SFXN3: variants seen among roughly 807,000 people sequenced by gnomAD.
SFXN3 encodes sideroflexin-3.
In SFXN3, 31 loss-of-function variants were observed where a neutral mutation model predicts 40.4. That is an observed-to-expected ratio of 0.77 (90% CI 0.58 to 1.04). The LOEUF (loss-of-function observed/expected upper bound fraction) is 1.04, where lower values mean the gene tolerates loss of function less well. Among genes scored for constraint, SFXN3 ranks in the 50% least tolerant of loss-of-function variants. The pLI is 0.00. For missense variants in SFXN3, 366 were observed against 408.2 expected, an observed-to-expected ratio of 0.90 and a Z score of 0.89; for synonymous variants, 157 against 160.0, an observed-to-expected ratio of 0.98 and a Z score of 0.14.
intron 3 of SFXN3, 25 bp from the exon 4 acceptor site, chr10:101,035,472 G>T (rs759400997): frequency 1.9e-6 from 3 of 1,584,342 alleles, no homozygotes; most frequent in Admixed American, 3.4e-5. Flanking sequence ...GGCATAGCCT[G>T]TCTGCTCCTT....
Position 101,034,881 on chromosome 10 carries a change from T to C in SFXN3, c.161+26T>C, listed in dbSNP as rs754398142. 1.2e-6 allele frequency: 2 copies of C among 1,601,522 alleles called. 1 individual carries two copies. The highest frequency in any genetic ancestry group is 2.2e-5 in the South Asian group (2 of 89,680). ...GTGACCACCCCTCAATCTGACCCTGTGTGCCAGGATCTCATTTTCTGTGAT... is the reference window on the plus strand; with the variant it reads ...GTGACCACCCCTCAATCTGACCCTGCGTGCCAGGATCTCATTTTCTGTGAT... On this transcript the variant is annotated intron_variant, in intron 3 of 11. Coordinates refer to ENST00000393459, the Ensembl canonical transcript of SFXN3.
intron 3 of SFXN3, 40 bp downstream of exon 3, chr10:101,034,895 A>T: frequency 6.3e-7 from 1 of 1,593,840 alleles, no homozygotes; most frequent in Non-Finnish European, 8.5e-7. Context: ...CCAGGATCTC[A>T]TTTTCTGTGA....
chr10:101,040,598 T>G (rs1261611115), exon 12 of SFXN3: 1 of 152,078 alleles, frequency 6.6e-6, no homozygotes, highest in Non-Finnish European at 1.5e-5. Flanking sequence ...TTTTTTTTTT[T>G]TTTTAATGGA....
At chr10:101,032,824 C>T (rs887253163) in intron 2 of SFXN3, among the ~76,000 whole-genome samples, 2 of 152,096 alleles carry the variant, frequency 1.3e-5, no homozygotes, top group Non-Finnish European at 2.9e-5. Flanking sequence ...TCTGCCTCTG[C>T]GGGAGGAAGT....
chr10:101,039,491 C>G lies in SFXN3; in HGVS notation c.872C>G (p.Ser291Cys), dbSNP rs1013041373. 6 of 1,613,868 alleles carry G rather than the reference C, an allele frequency of 3.7e-6. No individual in the cohort carries two copies. The highest frequency in any genetic ancestry group is 5.1e-6 in the Non-Finnish European group (6 of 1,179,916). ...TGGCCTGTGCTGTTCTATTGCAGCT[C>G]CATACACATAAGCAACCTGGAACCA... The change falls in exon 12 of 12, where the codon TCC (serine) becomes TGC (cysteine). Residue 291 changes from serine to cysteine, a missense_variant and splice_region_variant. By Grantham distance (112) the Ser-to-Cys change is moderately radical. Transcript: ENST00000393459. The surrounding 1 kb of genome is among the most constrained non-coding windows in gnomAD (Gnocchi z 4.6).
In SFXN3 at chr10:101,037,432, G is replaced by T. The variant is rs775984762; in HGVS notation, c.771+1G>T. 2 of 1,614,084 alleles carry T rather than the reference G, an allele frequency of 1.2e-6. No individual in the cohort carries two copies. Among genetic ancestry groups the T allele is most frequent in the Non-Finnish European group, 1.7e-6 (2 of 1,180,052 alleles). ...TCTGGAGAAGAAAGACTTCCTGAAG[G>T]TAGGCGACTGTACCTCTCTTGTCCT... is the stretch of plus-strand genomic sequence containing the variant. On this transcript the variant is annotated splice_donor_variant, in intron 9 of 11. Coordinates refer to ENST00000393459, the Ensembl canonical transcript of SFXN3. LOFTEE classifies it high-confidence loss of function.
intron 2 of SFXN3, among the ~76,000 whole-genome samples, chr10:101,033,402 G>A (rs952239278): frequency 6.6e-6 from 1 of 152,126 alleles, no homozygotes; most frequent in Non-Finnish European, 1.5e-5. Flanking sequence ...TCTGTACCAG[G>A]ATAGAGCACA....
chr10:101,033,018 G>A (rs1445623012), intron 2 of SFXN3, among the ~76,000 whole-genome samples: 2 of 152,172 alleles, frequency 1.3e-5, no homozygotes, highest in Non-Finnish European at 2.9e-5. Flanking sequence ...AGGGACCAGG[G>A]AGAGCCTGGG....
chr10:101,039,218 A>G lies in SFXN3; in HGVS notation c.865A>G (p.Lys289Glu). Residue 289 changes from lysine to glutamate, a missense_variant, in exon 11 of 12, where the codon AAG (lysine) becomes GAG (glutamate). By Grantham distance (56) the Lys-to-Glu change is moderately conservative. Coordinates refer to ENST00000393459, the Ensembl canonical transcript of SFXN3. This position sits in a 1 kb window ranked among gnomAD's most constrained non-coding sequence, Gnocchi z 4.6. Reference sequence around the variant, plus strand: ...CCTGTGCTGTGCCCTATTCCCCCAGAAGAGGTAAGTGCTGTCCCTGGGCTG... The same window carrying G: ...CCTGTGCTGTGCCCTATTCCCCCAGGAGAGGTAAGTGCTGTCCCTGGGCTG... The G allele has an allele frequency of 6.2e-7, 1 of 1,603,838 alleles. No homozygotes were observed. The highest frequency in any genetic ancestry group is 1.1e-5 in the South Asian group (1 of 89,596).
intron 9 of SFXN3, 33 bp from the exon 10 acceptor site, chr10:101,038,609 CA>C: frequency 6.2e-7 from 1 of 1,613,652 alleles, no homozygotes; most frequent in Admixed American, 1.7e-5. Context: ...GCAGGGGACA[CA>C]AGCCGTTCCA....
chr10:101,037,777 C>T (rs1200377276), intron 9 of SFXN3: 11 of 1,214,284 alleles, frequency 9.1e-6, no homozygotes, highest in South Asian at 6.5e-5. Context: ...CGGGTGAACA[C>T]GCACACACAG....
Position 101,032,402 on chromosome 10 carries a change from G to A in SFXN3, c.-84G>A, listed in dbSNP as rs888876400. ...GTCGGCGTCACGCGTGACGTCCCGC[G>A]TGATGGCTGGGAGGGCCCGGCGGCG... On this transcript the variant is annotated 5_prime_UTR_variant, in exon 2 of 12. It adds an upstream start codon to the 5' untranslated region. Coordinates refer to ENST00000393459, the Ensembl canonical transcript of SFXN3. The A allele has an allele frequency of 4.1e-6, 6 of 1,459,010 alleles. No individual in the cohort carries two copies. Among genetic ancestry groups the A allele is most frequent in the Non-Finnish European group, 5.5e-6 (6 of 1,094,462 alleles). The allele number at this position is 1,459,010 out of a possible 1,614,324, so 90.4% of individuals were successfully genotyped here. A position where few individuals can be genotyped will look rare whatever the true frequency, so the allele number is the denominator to read the frequency against.
chr10:101,037,618 A>C, intron 9 of SFXN3, 187 bp downstream of exon 9: 8 of 1,462,352 alleles, frequency 5.5e-6, no homozygotes, highest in Non-Finnish European at 6.3e-6. Flanking sequence ...GGAACTCTGC[A>C]GGGGCAGGAG....
chr10:101,033,911 T>C (rs568221893), intron 2 of SFXN3, among the ~76,000 whole-genome samples: 2 of 152,142 alleles, frequency 1.3e-5, no homozygotes, highest in East Asian at 1.9e-4. Context: ...GAGTAAAGAA[T>C]AACAAGGCAG....
intron 1 of SFXN3, 54 bp from the exon 2 acceptor site, chr10:101,032,260 G>A (rs1938285841): frequency 1.9e-6 from 1 of 528,236 alleles, no homozygotes; most frequent in Non-Finnish European, 3.4e-6. Flanking sequence ...TTAGGGCCTG[G>A]TCCAGGTGGC....
Position 101,039,494 on chromosome 10 carries a change from T to G in SFXN3, c.875T>G (p.Ile292Arg). 2 of 1,614,036 alleles carry G rather than the reference T, an allele frequency of 1.2e-6. No homozygotes were observed. Among genetic ancestry groups the G allele is most frequent in the Non-Finnish European group, 1.7e-6 (2 of 1,179,924 alleles). ...CCTGTGCTGTTCTATTGCAGCTCCA[T>G]ACACATAAGCAACCTGGAACCAGAG... The change falls in exon 12 of 12, where the codon ATA becomes AGA. Residue 292 changes from isoleucine to arginine, a missense_variant. Transcript: ENST00000393459. This position sits in a 1 kb window ranked among gnomAD's most constrained non-coding sequence, Gnocchi z 4.6.
intron 1 of SFXN3, 177 bp from the exon 2 acceptor site, chr10:101,032,137 G>T (rs773767746): frequency 1.3e-5 from 4 of 303,168 alleles, no homozygotes; most frequent in Non-Finnish European, 2.4e-5. Flanking sequence ...GCTGAGGCCC[G>T]CCAGGGGACT....
At chr10:101,037,104 G>A in exon 8 of SFXN3, 1 of 1,613,998 alleles carries the variant, frequency 6.2e-7, no homozygotes, top group Non-Finnish European at 8.5e-7. Flanking sequence ...CCCGGTGGCT[G>A]ATGAGGCAGG....
chr10:101,032,484 TA>T lies in SFXN3; in HGVS notation c.-4+4del. 6.5e-7 allele frequency: 1 copy of T among 1,544,688 alleles called. No homozygotes were observed. The highest frequency in any genetic ancestry group is 8.7e-7 in the Non-Finnish European group (1 of 1,145,790). ...GAGCTTCAGAGAGCGATGGAAAGCG[TA>T]AGTGCTCGCTCTCCCCGGCGGGCGG... On this transcript the variant is annotated splice_donor_region_variant and intron_variant, in intron 2 of 11. Coordinates refer to ENST00000393459, the Ensembl canonical transcript of SFXN3.
Sources: gnomAD v4.1 joint callset for allele counts (sites outside exome capture counted in the v4.1 genomes callset) on GRCh38, gnomAD v4.1.1 for gene constraint, Gnocchi (gnomAD v3.1) non-coding constraint, MANE v1.5 for transcripts, NCBI Gene and HGNC (gene_info 2026-07-23, HGNC 2026-07-21) for gene names.